The following FYB1 variants were observed in gnomAD, a reference collection of about 807,000 sequenced individuals.
The protein encoded by FYB1 is FYN binding protein 1.
In FYB1, 41 loss-of-function variants were observed where a neutral mutation model predicts 94.1. That is an observed-to-expected ratio of 0.44 (90% CI 0.34 to 0.57). FYB1 has a LOEUF of 0.57. Ranked by LOEUF, FYB1 falls within the 20% of genes least tolerant of loss-of-function variation. The pLI, the probability that FYB1 is intolerant of heterozygous loss-of-function variation, is 0.02. For missense variants in FYB1, 1,050 were observed against 976.8 expected, an observed-to-expected ratio of 1.07 and a Z score of -1.00; for synonymous variants, 367 against 353.2, an observed-to-expected ratio of 1.04 and a Z score of -0.44.
rs112170740 is a variant in FYB1, at chr5:39,214,915, C to A, written c.-28+4528G>T. ...CTGCACTCCAGTCTGGGCAACAGAGCGAGATTCTGTGTCAAAAAAAAAATA... is the reference window on the plus strand; with the variant it reads ...CTGCACTCCAGTCTGGGCAACAGAGAGAGATTCTGTGTCAAAAAAAAAATA... On this transcript the variant is annotated intron_variant, in intron 1 of 18. Transcript: ENST00000512982. Among the ~76,000 whole-genome samples, 30 of 151,952 alleles carry A rather than the reference C, an allele frequency of 2.0e-4. 1 individual carries two copies. In the East Asian group the frequency reaches 5.6e-3, roughly 28 times the overall value.
At chr5:39,147,790 C>T (rs1742808470) in intron 3 of FYB1, among the ~76,000 whole-genome samples, 6 of 150,082 alleles carry the variant, frequency 4.0e-5, no homozygotes, top group African/African-American at 1.5e-4. Context: ...ACGCCATTCT[C>T]CTGCCTCAGC....
intron 2 of FYB1, among the ~76,000 whole-genome samples, chr5:39,165,884 A>G (rs553484897): frequency 6.6e-6 from 1 of 152,386 alleles, no homozygotes; most frequent in East Asian, 1.9e-4. Context: ...AGTGCTCCAC[A>G]TCACTAATCA....
chr5:39,205,220 A>G (rs1232264448), intron 1 of FYB1, among the ~76,000 whole-genome samples: 1 of 152,220 alleles, frequency 6.6e-6, no homozygotes, highest in Non-Finnish European at 1.5e-5. Flanking sequence ...TCCCAGATTT[A>G]TAACAGGAGG....
intron 1 of FYB1, among the ~76,000 whole-genome samples, chr5:39,255,289 G>A (rs1751887089): frequency 2.6e-5 from 4 of 152,010 alleles, no homozygotes; most frequent in Non-Finnish European, 4.4e-5. Flanking sequence ...TCCCTTCCAC[G>A]CTTTTTAAAA....
At chr5:39,162,617 G>A (rs1339594627) in intron 2 of FYB1, among the ~76,000 whole-genome samples, 5 of 152,020 alleles carry the variant, frequency 3.3e-5, no homozygotes, top group Non-Finnish European at 5.9e-5. Flanking sequence ...CCAGGGAGGC[G>A]GAGGTTGCAG....
intron 1 of FYB1, among the ~76,000 whole-genome samples, chr5:39,247,791 C>A (rs1285676678): frequency 6.6e-6 from 1 of 151,538 alleles, no homozygotes; most frequent in Non-Finnish European, 1.5e-5. Flanking sequence ...TATATGCCAG[C>A]ACCATAGTGT....
At chr5:39,140,936 G>A (rs1025173991) in intron 4 of FYB1, among the ~76,000 whole-genome samples, 159 bp downstream of exon 4, 1 of 152,198 alleles carries the variant, frequency 6.6e-6, no homozygotes, top group Non-Finnish European at 1.5e-5. Context: ...GAAAGGAAGT[G>A]AGTCATGAGG....
In FYB1 at chr5:39,143,007, T is replaced by G. The variant is rs116627285; in HGVS notation, c.1293-1866A>C. 4.8e-3 allele frequency among the ~76,000 whole-genome samples: 738 copies of G among 152,344 alleles called. 3 individuals carry two copies. Among genetic ancestry groups the G allele is most frequent in the African/African-American group, 0.017 (710 of 41,574 alleles). On this transcript the variant is annotated intron_variant, in intron 3 of 18. Transcript: ENST00000512982. ...TGCCTTCTCTTAAATGATGATGTTC[T>G]GTTGTGTTCTGGTCTTGGTTCTCTT...
chr5:39,226,401 A>T (rs879617053), intron 1 of FYB1, among the ~76,000 whole-genome samples: 585 of 7,134 alleles, frequency 0.082, 9 homozygotes, highest in Admixed American at 0.34. Context: ...AAACCTTTAA[A>T]AAAAAAAAAA....
At chr5:39,175,653 C>A (rs984404224) in intron 2 of FYB1, among the ~76,000 whole-genome samples, 12 of 152,152 alleles carry the variant, frequency 7.9e-5, no homozygotes. Flanking sequence ...ACTGCAGGCT[C>A]CTAACTACCC....
intron 9 of FYB1, 42 bp from the exon 10 acceptor site, chr5:39,130,654 A>T (rs560949295): frequency 6.8e-7 from 1 of 1,471,188 alleles, no homozygotes; most frequent in Admixed American, 1.9e-5. Context: ...TCTATGAATT[A>T]CTTAGCTATG....
chr5:39,221,259 A>G (rs1211506109), upstream of FYB1, among the ~76,000 whole-genome samples: 1 of 152,124 alleles, frequency 6.6e-6, no homozygotes, highest in Non-Finnish European at 1.5e-5. Flanking sequence ...TGATCCAGTG[A>G]TGACTAAGGT....
At chr5:39,224,326 C>T (rs1052698732), upstream of FYB1, among the ~76,000 whole-genome samples, 3 of 152,096 alleles carry the variant, frequency 2.0e-5, no homozygotes, top group Non-Finnish European at 4.4e-5. Context: ...GTTTCCCTTA[C>T]TACAGGGATT....
At chr5:39,252,733 A>T (rs925622283) in intron 1 of FYB1, among the ~76,000 whole-genome samples, 3 of 152,164 alleles carry the variant, frequency 2.0e-5, no homozygotes, top group Non-Finnish European at 4.4e-5. Flanking sequence ...CTAGAGAACT[A>T]GGAGAGTGGA....
At chr5:39,134,142 C>A in intron 9 of FYB1, 66 bp downstream of exon 9, 2 of 1,278,588 alleles carry the variant, frequency 1.6e-6, no homozygotes, top group Non-Finnish European at 2.2e-6. Context: ...ATTCTAGGAT[C>A]TTAATATACA....
At position 39,156,749 on chromosome 5, in the gene FYB1, C is replaced by T. The variant is rs1394504796; in HGVS notation, c.1136-3145G>A. ...TGGAGGAAAAAACCAGTTAGACTTA[C>T]TTTAATGTCTAACGATTGACATTAG... On this transcript the variant is annotated intron_variant, in intron 2 of 18. Transcript: ENST00000512982. Among the ~76,000 whole-genome samples the T allele has an allele frequency of 2.6e-5, 4 of 152,280 alleles. No homozygotes were observed. The East Asian group carries it at 7.7e-4, about 29-fold the overall frequency.
At chr5:39,237,923 C>G (rs1751040738) in intron 1 of FYB1, among the ~76,000 whole-genome samples, 1 of 152,100 alleles carries the variant, frequency 6.6e-6, no homozygotes, top group Non-Finnish European at 1.5e-5. Context: ...TCTCCTTTCT[C>G]TTTAGGTCTG....
intron 1 of FYB1, among the ~76,000 whole-genome samples, chr5:39,234,463 T>C (rs1750871690): frequency 6.6e-6 from 1 of 152,166 alleles, no homozygotes; most frequent in African/African-American, 2.4e-5. Context: ...AAAAATTACA[T>C]AGTTGTGGAA....
intron 10 of FYB1, among the ~76,000 whole-genome samples, chr5:39,129,688 G>T (rs957618347): frequency 1.3e-5 from 2 of 151,932 alleles, no homozygotes; most frequent in Non-Finnish European, 2.9e-5. Flanking sequence ...CATACAAATG[G>T]CCAACAGGCA....
Sources: gnomAD v4.1 joint callset for allele counts (sites outside exome capture counted in the v4.1 genomes callset) on GRCh38, gnomAD v4.1.1 for gene constraint, MANE v1.5 for transcripts, NCBI Gene and HGNC (gene_info 2026-07-23, HGNC 2026-07-21) for gene names.